Variants in NDUFS1 observed in about 807,000 individuals in gnomAD.
NDUFS1 encodes the protein NADH:ubiquinone oxidoreductase core subunit S1, also known as NADH-ubiquinone oxidoreductase 75 kDa subunit, mitochondrial.
A neutral mutation model predicts 84.4 loss-of-function variants in NDUFS1; 61 were observed. The observed-to-expected ratio is 0.72, with a 90% CI of 0.59 to 0.89. The LOEUF is 0.89. NDUFS1 is among the 40% of genes least tolerant of loss of function. NDUFS1 has a pLI of 0.00. For missense variants in NDUFS1, 891 were observed against 890.0 expected (o/e 1.00, Z -0.01); for synonymous variants, 275 against 290.0 (o/e 0.95, Z 0.53).
chr2:206,144,814 A>G (rs986766893), intron 9 of NDUFS1, 78 bp downstream of exon 9: 11 of 1,465,502 alleles, frequency 7.5e-6, no homozygotes, highest in African/African-American at 2.8e-5. Context: ...TGCAAATATA[A>G]AAGATAATTC....
In NDUFS1 at chr2:206,119,071, A is replaced by T. The variant is rs1345223858; in HGVS notation, c.*5114T>A. The stretch of plus-strand genomic sequence containing the variant: ...CCACTGCACTCCAGACTGGCAATAC[A>T]GTGAGACTCAATCTAAGATAAAACA... On this transcript the variant is annotated 3_prime_UTR_variant, in exon 19 of 19. Coordinates refer to ENST00000233190, the MANE Select transcript of NDUFS1 (RefSeq NM_005006.7). 1 of 152,244 alleles carries T rather than the reference A, an allele frequency of 6.6e-6. No homozygotes were observed. The highest frequency in any genetic ancestry group is 6.5e-5 in the Admixed American group (1 of 15,280). 9.4% of individuals were successfully genotyped at this position (152,244 alleles called of 1,614,324 possible). A position where few individuals can be genotyped will look rare whatever the true frequency, so the allele number is the denominator to read the frequency against.
In NDUFS1 at chr2:206,123,722, A is replaced by T. The variant is rs900172512; in HGVS notation, c.*463T>A. 1 of 155,410 alleles carries T rather than the reference A, an allele frequency of 6.4e-6. No homozygotes were observed. Among genetic ancestry groups the T allele is most frequent in the African/African-American group, 2.4e-5 (1 of 41,324 alleles). The allele number at this position is 155,410 out of a possible 1,614,324, so 9.6% of individuals were successfully genotyped here. On this transcript the variant is annotated 3_prime_UTR_variant, in exon 19 of 19. Transcript: ENST00000233190. ...ATTATCATTAGCCATTGTTACTATG[A>T]TTATTATTAATTATAATTATCCTAG...
intron 12 of NDUFS1, among the ~76,000 whole-genome samples, chr2:206,140,943 T>TATATATATATACACAC (rs367723817): frequency 7.3e-6 from 1 of 136,110 alleles, no homozygotes. Context: ...TATATATATA[T>TATATATATATACACAC]ACACACACAC....
intron 15 of NDUFS1, among the ~76,000 whole-genome samples, chr2:206,128,979 GAATATGACAGT>G (rs963484551): frequency 6.6e-6 from 1 of 151,844 alleles, no homozygotes; most frequent in African/African-American, 2.4e-5. Flanking sequence ...GCAAAGACAG[GAATATGACAGT>G]AATACTGAAA....
intron 13 of NDUFS1, among the ~76,000 whole-genome samples, chr2:206,137,795 CTG>C (rs897402953): frequency 5.3e-5 from 8 of 151,992 alleles, no homozygotes; most frequent in African/African-American, 1.9e-4. Flanking sequence ...AATAGAAGGA[CTG>C]GTAAAATTTT....
chr2:206,153,190 TTTC>T (rs1434493514), intron 2 of NDUFS1, among the ~76,000 whole-genome samples: 1 of 151,900 alleles, frequency 6.6e-6, no homozygotes, highest in African/African-American at 2.4e-5. Flanking sequence ...AGATCATTTG[TTTC>T]TTCTTTTTTT....
rs752768797 is a variant in NDUFS1 at position 206,127,856 on chromosome 2, C to T, written c.1825G>A (p.Ala609Thr). The T allele has an allele frequency of 1.2e-6, 2 of 1,614,116 alleles. No homozygotes were observed. Among genetic ancestry groups the T allele is most frequent in the South Asian group, 2.2e-5 (2 of 91,082 alleles). ...CTTGCCAAGCCAGGAGGTGTCACTG[C>T]TACCTTAGTCTGCTGAGCTCTACCC... is the stretch of plus-strand genomic sequence containing the variant. ...TEGRAQQTKV[A>T]VTPPGLARED... Residue 609 changes from alanine to threonine, a missense_variant, in exon 16 of 19, where the codon GCA (alanine) becomes ACA (threonine). Physicochemically the swap from Ala to Thr is moderately conservative, Grantham distance 58 (BLOSUM62 0). Transcript: ENST00000233190.
In NDUFS1 at chr2:206,116,156, A is replaced by G. The variant is rs770972385; in HGVS notation, c.*8029T>C. 1.2e-5 allele frequency: 19 copies of G among 1,538,830 alleles called. No individual in the cohort carries two copies. The highest frequency in any genetic ancestry group is 6.7e-5 in the Admixed American group (4 of 59,912). ...GTATTTCTCATATGCTTCTTCACTC[A>G]TAAGTTCATCTAGTTATGAAGGGTT... On this transcript the variant is annotated 3_prime_UTR_variant, in exon 19 of 19. Transcript: ENST00000233190.
chr2:206,154,889 T>C (rs1417341238), intron 1 of NDUFS1, among the ~76,000 whole-genome samples: 6 of 151,376 alleles, frequency 4.0e-5, no homozygotes, highest in African/African-American at 1.5e-4. Flanking sequence ...TCCCAAAGTG[T>C]TGGGGTTAAG....
rs1687818178 is a variant in NDUFS1 at position 206,159,367 on chromosome 2, T to C, written c.-31A>G. Reference sequence around the variant, plus strand: ...TTCTCCCCGGAGCCGCGGAGGCTGTTCTGCTAAACTGTCTGGACCACGACG... The same window carrying C: ...TTCTCCCCGGAGCCGCGGAGGCTGTCCTGCTAAACTGTCTGGACCACGACG... On this transcript the variant is annotated 5_prime_UTR_variant, in exon 1 of 19. Transcript: ENST00000233190. The C allele has an allele frequency of 3.4e-6, 2 of 592,184 alleles. No homozygotes were observed. Among genetic ancestry groups the C allele is most frequent in the South Asian group, 2.0e-5 (1 of 48,996 alleles). 36.7% of individuals were successfully genotyped at this position (592,184 alleles called of 1,614,324 possible). A position where few individuals can be genotyped will look rare whatever the true frequency, so the allele number is the denominator to read the frequency against.
chr2:206,146,255 C>A (rs918117175), intron 8 of NDUFS1, among the ~76,000 whole-genome samples: 2 of 152,080 alleles, frequency 1.3e-5, no homozygotes, highest in Admixed American at 6.6e-5. Flanking sequence ...CAAAGAAAAT[C>A]ATATTTAAAA....
intron 12 of NDUFS1, among the ~76,000 whole-genome samples, chr2:206,139,357 TGTATTTTTA>T (rs563199931): frequency 1.4e-4 from 21 of 151,894 alleles, no homozygotes; most frequent in South Asian, 4.2e-4. Flanking sequence ...AGCTAATTTT[TGTATTTTTA>T]GTAGAAGGCA....
chr2:206,127,476 C>T (rs1691338622), intron 16 of NDUFS1: 1 of 267,206 alleles, frequency 3.7e-6, no homozygotes. Context: ...TGAGATCACG[C>T]CACTGCACTC....
intron 13 of NDUFS1, among the ~76,000 whole-genome samples, chr2:206,136,293 C>G (rs1380431632): frequency 1.3e-5 from 2 of 150,728 alleles, no homozygotes; most frequent in Non-Finnish European, 3.0e-5. Context: ...ACCTTGTGAT[C>G]CGCCCGCCTC....
chr2:206,149,286 T>C (rs1310312364), intron 4 of NDUFS1, among the ~76,000 whole-genome samples, 190 bp from the exon 5 acceptor site: 1 of 152,218 alleles, frequency 6.6e-6, no homozygotes, highest in Admixed American at 6.5e-5. Flanking sequence ...TCTAGTACTT[T>C]GCATTTATCT....
At position 206,118,044 on chromosome 2, in the gene NDUFS1, T is replaced by C. The variant is rs1336643103; in HGVS notation, c.*6141A>G. 2 of 152,210 alleles carry C rather than the reference T, an allele frequency of 1.3e-5. No homozygotes were observed. Among genetic ancestry groups the C allele is most frequent in the South Asian group, 2.1e-4 (1 of 4,834 alleles). 9.4% of individuals were successfully genotyped at this position (152,210 alleles called of 1,614,324 possible). The stretch of plus-strand genomic sequence containing the variant: ...CTAATCACCAGTCTCAGACTATACA[T>C]TGCCATTTTCAACATATGCTTTTAG... On this transcript the variant is annotated 3_prime_UTR_variant, in exon 19 of 19. Transcript: ENST00000233190.
At position 206,133,903 on chromosome 2, in the gene NDUFS1, C is replaced by G. The variant is rs1691610025; in HGVS notation, c.1393-798G>C. Among the ~76,000 whole-genome samples the G allele has an allele frequency of 2.0e-5, 3 of 152,222 alleles. No homozygotes were observed. The South Asian group carries it at 6.2e-4, about 31-fold the overall frequency. On this transcript the variant is annotated intron_variant, in intron 13 of 18. Coordinates refer to ENST00000233190, the MANE Select transcript of NDUFS1 (RefSeq NM_005006.7). ...GCTGAGGCACGAGAATTGCTTGAAC[C>G]TGGGAGGCGGAGGTTGCAGTGGGCC...
intron 3 of NDUFS1, among the ~76,000 whole-genome samples, chr2:206,150,344 T>C (rs1692326880): frequency 6.6e-6 from 1 of 152,220 alleles, no homozygotes; most frequent in Non-Finnish European, 1.5e-5. Flanking sequence ...CTTTGGCTCC[T>C]ATATGCTACC....
chr2:206,141,860 T>A, intron 12 of NDUFS1, 81 bp downstream of exon 12: 1 of 1,282,038 alleles, frequency 7.8e-7, no homozygotes, highest in Non-Finnish European at 1.1e-6. Flanking sequence ...ACTAACACTA[T>A]TAGGAAGATG....
Sources: gnomAD v4.1 joint callset for allele counts (sites outside exome capture counted in the v4.1 genomes callset) on GRCh38, gnomAD v4.1.1 for gene constraint, MANE v1.5 for transcripts, NCBI Gene and HGNC (gene_info 2026-07-23, HGNC 2026-07-21) for gene names.